LRP2: variants seen among roughly 807,000 people sequenced by gnomAD.
LRP2 encodes the protein LDL receptor related protein 2, also known as low-density lipoprotein receptor-related protein 2.
LRP2 carries 172 observed loss-of-function variants against 531.0 expected under a neutral mutation model. The ratio of observed to expected loss-of-function variants is 0.32; its 90% CI spans 0.29 to 0.37. The LOEUF is 0.37. Among genes scored for constraint, LRP2 ranks in the 10% least tolerant of loss-of-function variants. LRP2 has a pLI of 1.00. For synonymous variants in LRP2, 1,992 were observed against 2,027.6 expected (o/e 0.98, Z 0.47); for missense variants, 5,167 against 5,868.3 (o/e 0.88, Z 3.90).
chr2:169,239,082 C>T (rs1460331225), intron 26 of LRP2, among the ~76,000 whole-genome samples: 2 of 152,098 alleles, frequency 1.3e-5, no homozygotes, highest in Admixed American at 1.3e-4. Flanking sequence ...AAGAAAGAAA[C>T]TTTCTGTTTT....
chr2:169,361,653 A>G (rs1686168132), intron 1 of LRP2, among the ~76,000 whole-genome samples: 1 of 152,146 alleles, frequency 6.6e-6, no homozygotes, highest in Non-Finnish European at 1.5e-5. Context: ...AACTCTGGCC[A>G]TGCAGACGGG....
chr2:169,353,546 A>C (rs1428255872), intron 1 of LRP2, among the ~76,000 whole-genome samples: 1 of 151,940 alleles, frequency 6.6e-6, no homozygotes, highest in Non-Finnish European at 1.5e-5. Context: ...TATTCTCCAC[A>C]CCCTTCCCCA....
Position 169,175,288 on chromosome 2 carries a change from A to T in LRP2, c.10673T>A (p.Phe3558Tyr). ...CPQRFCRLGQ[F>Y]QCSDGNCTSP... ...GGTGCAGTTGCCGTCACTGCACTGG[A>T]ACTGTCCCAGTCGGCAGAAGCGCTG... Residue 3558 changes from phenylalanine (F) to tyrosine (Y), a missense_variant, in exon 55 of 79, where the codon TTC becomes TAC. Coordinates refer to ENST00000649046, the MANE Select transcript of LRP2 (RefSeq NM_004525.3). 6.2e-7 allele frequency: 1 copy of T among 1,614,188 alleles called. No homozygotes were observed. The highest frequency in any genetic ancestry group is 8.5e-7 in the Non-Finnish European group (1 of 1,180,030).
chr2:169,318,709 T>G, intron 3 of LRP2, 53 bp downstream of exon 3: 1 of 1,613,292 alleles, frequency 6.2e-7, no homozygotes, highest in Non-Finnish European at 8.5e-7. Flanking sequence ...TTGCGACAGG[T>G]TGGGTTTTAG....
intron 1 of LRP2, among the ~76,000 whole-genome samples, chr2:169,351,967 G>A (rs762660637): frequency 7.9e-5 from 12 of 152,082 alleles, no homozygotes; most frequent in African/African-American, 1.2e-4. Context: ...GTGAAGAGGC[G>A]GTAGGATCAA....
Position 169,246,989 on chromosome 2 carries a change from G to A in LRP2, c.2909-3C>T, listed in dbSNP as rs753464941. 5.6e-6 allele frequency: 9 copies of A among 1,613,766 alleles called. No individual in the cohort carries two copies. The highest frequency in any genetic ancestry group is 7.6e-6 in the Non-Finnish European group (9 of 1,179,976). Reference sequence around the variant, plus strand: ...GGGTTGATTACAGGCGTTAGAACCTGCAAAAGCAAAGCCCCGAGGGAGTCA... The same window carrying A: ...GGGTTGATTACAGGCGTTAGAACCTACAAAAGCAAAGCCCCGAGGGAGTCA... On this transcript the variant is annotated splice_polypyrimidine_tract_variant and splice_region_variant and intron_variant, in intron 20 of 78. Transcript: ENST00000649046.
At position 169,307,445 on chromosome 2, in the gene LRP2, C is replaced by T. The variant is rs202230707; in HGVS notation, c.311-48G>A. On this transcript the variant is annotated intron_variant, in intron 3 of 78. Transcript: ENST00000649046. ...CTTAATTTATAATTATTGCTAGACA[C>T]AGACTAATCTATTGTCATTAACAAG... The T allele has an allele frequency of 1.4e-5, 15 of 1,065,770 alleles. No homozygotes were observed. The South Asian group carries it at 1.5e-4, about 11-fold the overall frequency. The allele number at this position is 1,065,770 out of a possible 1,614,324, so 66.0% of individuals were successfully genotyped here. A position where few individuals can be genotyped will look rare whatever the true frequency, so the allele number is the denominator to read the frequency against.
At chr2:169,334,561 T>C (rs1216642571) in intron 1 of LRP2, among the ~76,000 whole-genome samples, 1 of 152,162 alleles carries the variant, frequency 6.6e-6, no homozygotes, top group African/African-American at 2.4e-5. Flanking sequence ...TAAGAATGGC[T>C]AAAATAAGAA....
At chr2:169,175,535 A>G in intron 54 of LRP2, 146 bp from the exon 55 acceptor site, 1 of 726,752 alleles carries the variant, frequency 1.4e-6, no homozygotes, top group South Asian at 1.6e-5. Flanking sequence ...TCTCAGTTAC[A>G]ATGGTGTATT....
At chr2:169,348,413 T>A (rs1685754423) in intron 1 of LRP2, among the ~76,000 whole-genome samples, 2 of 152,154 alleles carry the variant, frequency 1.3e-5, no homozygotes, top group African/African-American at 4.8e-5. Flanking sequence ...CCTTCATTCA[T>A]CAGGAACAAG....
chr2:169,198,950 C>T (rs750210019), intron 44 of LRP2, 39 bp from the exon 45 acceptor site: 11 of 1,600,164 alleles, frequency 6.9e-6, no homozygotes, highest in African/African-American at 1.3e-5. Context: ...GGAATATATC[C>T]ACCAAATATG....
chr2:169,266,695 T>G (rs376443235), intron 16 of LRP2, among the ~76,000 whole-genome samples: 14 of 152,150 alleles, frequency 9.2e-5, no homozygotes, highest in East Asian at 5.8e-4. Context: ...TTTATTACTA[T>G]TACAAACCAA....
intron 22 of LRP2, among the ~76,000 whole-genome samples, chr2:169,244,037 CA>C (rs1689913452): frequency 6.6e-6 from 1 of 152,174 alleles, no homozygotes; most frequent in African/African-American, 2.4e-5. Flanking sequence ...GCCCCACCCA[CA>C]ACATGAAATT....
At chr2:169,165,528 G>T (rs1453302402) in intron 62 of LRP2, among the ~76,000 whole-genome samples, 1 of 152,156 alleles carries the variant, frequency 6.6e-6, no homozygotes, top group Non-Finnish European at 1.5e-5. Flanking sequence ...CTGGGCACCT[G>T]CCTAGATTAG....
chr2:169,283,258 CCTATGGTA>C (rs1263195796), intron 9 of LRP2, among the ~76,000 whole-genome samples: 4 of 152,110 alleles, frequency 2.6e-5, no homozygotes, highest in Non-Finnish European at 4.4e-5. Flanking sequence ...AATTCATAGC[CCTATGGTA>C]CTGCATTTCA....
In LRP2 at chr2:169,173,219, A is replaced by C. The variant is rs201459276; in HGVS notation, c.11020T>G (p.Ser3674Ala). Residue 3674 changes from serine to alanine, a missense_variant, in exon 57 of 79, where the codon TCT becomes GCT. Transcript: ENST00000649046. Reference sequence around the variant, plus strand: ...GTGAAGTTGTCACAGAGATGGGCAGAGCTCACTGAAAAGGGAGGAGGCATC... The same window carrying C: ...GTGAAGTTGTCACAGAGATGGGCAGCGCTCACTGAAAAGGGAGGAGGCATC... ...SDEPIEECMS[S>A]AHLCDNFTEF... 5 of 1,614,196 alleles carry C rather than the reference A, an allele frequency of 3.1e-6. No individual in the cohort carries two copies. The East Asian group carries it at 1.1e-4, about 36-fold the overall frequency.
intron 3 of LRP2, among the ~76,000 whole-genome samples, chr2:169,313,670 G>A (rs1198989558): frequency 2.0e-5 from 3 of 152,180 alleles, no homozygotes; most frequent in Non-Finnish European, 4.4e-5. Flanking sequence ...GGACCCACTT[G>A]AGGTAGTCTG....
intron 25 of LRP2, among the ~76,000 whole-genome samples, chr2:169,240,193 G>T (rs1210403694): frequency 6.6e-6 from 1 of 152,164 alleles, no homozygotes; most frequent in Non-Finnish European, 1.5e-5. Context: ...TAAGAGAAAA[G>T]ACCAGAAAAT....
Position 169,173,151 on chromosome 2 carries a change from C to T in LRP2, c.11088G>A (p.Trp3696Ter). 1 of 1,614,168 alleles carries T rather than the reference C, an allele frequency of 6.2e-7. No individual in the cohort carries two copies. ...AGTCATCTACACCATTGCACACGGC[C>T]CACTTTGGGATGCAGCGGTAATTTG... ...CKTNYRCIPK[W>*]AVCNGVDDCR... Residue 3696 changes from tryptophan to a stop codon, truncating the protein, a stop_gained, in exon 57 of 79, where the codon TGG becomes TGA. Coordinates refer to ENST00000649046, the MANE Select transcript of LRP2 (RefSeq NM_004525.3). LOFTEE classifies it high-confidence loss of function.
Sources: gnomAD v4.1 joint callset for allele counts (sites outside exome capture counted in the v4.1 genomes callset) on GRCh38, gnomAD v4.1.1 for gene constraint, MANE v1.5 for transcripts, NCBI Gene and HGNC (gene_info 2026-07-23, HGNC 2026-07-21) for gene names.